Variants in KANSL2 observed in about 807,000 individuals in gnomAD.
The protein encoded by KANSL2 is NSL complex protein NSL2.
Under a neutral mutation model 55.6 loss-of-function variants are expected in KANSL2, and 34 were observed. That is an observed-to-expected ratio of 0.61 (90% CI 0.46 to 0.81). The LOEUF (loss-of-function observed/expected upper bound fraction) is 0.81, where lower values mean the gene tolerates loss of function less well. Ranked by LOEUF, KANSL2 falls within the 40% of genes least tolerant of loss-of-function variation. The pLI is 0.00. For synonymous variants in KANSL2, 209 were observed against 214.3 expected, an observed-to-expected ratio of 0.98 and a Z score of 0.22; for missense variants, 502 against 609.9, an observed-to-expected ratio of 0.82 and a Z score of 1.86.
chr12:48,675,475 T>A (rs1225386291), intron 4 of KANSL2, among the ~76,000 whole-genome samples: 3 of 152,300 alleles, frequency 2.0e-5, no homozygotes, highest in African/African-American at 4.8e-5. Flanking sequence ...ATGCCTACAT[T>A]AACCTGTCTG....
intron 7 of KANSL2, among the ~76,000 whole-genome samples, chr12:48,661,764 T>C (rs1939491628): frequency 6.6e-6 from 1 of 152,212 alleles, no homozygotes; most frequent in Non-Finnish European, 1.5e-5. Context: ...CTACCAACAC[T>C]GTAGGCCAGG....
Position 48,667,679 on chromosome 12 carries a change from G to A in KANSL2, c.973+14C>T, listed in dbSNP as rs750534290. On this transcript the variant is annotated intron_variant, in intron 7 of 9. Coordinates refer to ENST00000420613, the MANE Select transcript of KANSL2 (RefSeq NM_017822.4). ...TAGCAAACCACAGCCTTAACAGGCA[G>A]AGTAAAAAGATACGGGTAAGGCAGT... 3.8e-6 allele frequency: 6 copies of A among 1,580,412 alleles called. No homozygotes were observed. Among genetic ancestry groups the A allele is most frequent in the Non-Finnish European group, 5.2e-6 (6 of 1,149,464 alleles).
Position 48,672,393 on chromosome 12 carries a change from GTA to G in KANSL2, c.546-433_546-432del, listed in dbSNP as rs1187335703. 8.5e-3 allele frequency among the ~76,000 whole-genome samples: 1,036 copies of G among 121,298 alleles called. 23 individuals are homozygous for G. The highest frequency in any genetic ancestry group is 0.03 in the African/African-American group (917 of 31,012). The allele number at this position is 121,298 out of a possible 152,430, so 79.6% of individuals were successfully genotyped here. On this transcript the variant is annotated intron_variant, in intron 4 of 9. Coordinates refer to ENST00000420613, the MANE Select transcript of KANSL2 (RefSeq NM_017822.4). The stretch of plus-strand genomic sequence containing the variant: ...TATATATACGTATATATATATACAT[GTA>G]TATATATATATACGTATATATATAT...
At chr12:48,662,614 G>A in intron 7 of KANSL2, 1 of 1,288,002 alleles carries the variant, frequency 7.8e-7, no homozygotes, top group Non-Finnish European at 1.0e-6. Flanking sequence ...TTAGACCACA[G>A]TAAAGAGTTA....
intron 5 of KANSL2, among the ~76,000 whole-genome samples, chr12:48,669,950 CA>C (rs1939678651): frequency 6.6e-6 from 1 of 152,054 alleles, no homozygotes; most frequent in Admixed American, 6.5e-5. Flanking sequence ...CCTGTAATCC[CA>C]GCACTTTTTG....
intron 6 of KANSL2, among the ~76,000 whole-genome samples, chr12:48,668,893 G>A (rs1028445373): frequency 6.6e-5 from 10 of 151,922 alleles, no homozygotes; most frequent in African/African-American, 2.4e-4. Flanking sequence ...CATTAGCTGG[G>A]CGCATGGTGG....
chr12:48,664,636 C>T (rs1939557104), intron 7 of KANSL2, among the ~76,000 whole-genome samples: 1 of 132,134 alleles, frequency 7.6e-6, no homozygotes, highest in Non-Finnish European at 1.5e-5. Flanking sequence ...GGCTGGAGTG[C>T]AGTGGCGTGA....
At chr12:48,669,619 G>T (rs1049235152) in intron 5 of KANSL2, among the ~76,000 whole-genome samples, 1 of 151,486 alleles carries the variant, frequency 6.6e-6, no homozygotes, top group East Asian at 2.0e-4. Context: ...CCAGGTTCAC[G>T]CCATTCTCCT....
chr12:48,682,183 T>C lies in KANSL2; in HGVS notation c.-10+4A>G, dbSNP rs576690565. 8.7e-6 allele frequency: 6 copies of C among 691,968 alleles called. No homozygotes were observed. Among genetic ancestry groups the C allele is most frequent in the Admixed American group, 2.0e-5 (1 of 48,818 alleles). The allele number at this position is 691,968 out of a possible 1,614,324, so 42.9% of individuals were successfully genotyped here. A position where few individuals can be genotyped will look rare whatever the true frequency, so the allele number is the denominator to read the frequency against. On this transcript the variant is annotated splice_donor_region_variant and intron_variant, in intron 1 of 9. Transcript: ENST00000420613. ...GCTTAGAGGAAAGAGCACCGCCATC[T>C]TACCTCAGGAGCTGCGCTGCGCCGC...
At chr12:48,678,413 A>G (rs907786094) in intron 4 of KANSL2, among the ~76,000 whole-genome samples, 7 of 152,278 alleles carry the variant, frequency 4.6e-5, no homozygotes, top group South Asian at 2.1e-4. Flanking sequence ...TCTCTTTCTT[A>G]GGCATGAAAC....
chr12:48,665,770 G>A lies in KANSL2; in HGVS notation c.973+1923C>T, dbSNP rs116884389. On this transcript the variant is annotated intron_variant, in intron 7 of 9. Coordinates refer to ENST00000420613, the MANE Select transcript of KANSL2 (RefSeq NM_017822.4). ...CAATGCCAAATGTAGTCCTTTAACA[G>A]AATCAAGAGACATTATGATGGTTCA... Among the ~76,000 whole-genome samples the A allele has an allele frequency of 6.6e-3, 1,004 of 152,230 alleles. 3 individuals are homozygous for A. Among genetic ancestry groups the A allele is most frequent in the Non-Finnish European group, 0.01 (711 of 68,002 alleles).
intron 8 of KANSL2, among the ~76,000 whole-genome samples, chr12:48,655,970 T>C (rs547788733): frequency 6.6e-6 from 1 of 152,168 alleles, no homozygotes; most frequent in Non-Finnish European, 1.5e-5. Flanking sequence ...TTTACTACAA[T>C]TAAAAAAATA....
chr12:48,654,091 C>T lies in KANSL2; in HGVS notation c.1432G>A (p.Gly478Arg), dbSNP rs1183100897. 6.2e-7 allele frequency: 1 copy of T among 1,611,854 alleles called. No homozygotes were observed. The highest frequency in any genetic ancestry group is 2.2e-5 in the East Asian group (1 of 44,826). The change falls in exon 10 of 10, where the codon GGA becomes AGA. Residue 478 changes from glycine to arginine, a missense_variant. By Grantham distance (125) the Gly-to-Arg change is moderately radical. Coordinates refer to ENST00000420613, the MANE Select transcript of KANSL2 (RefSeq NM_017822.4). ...EKASAPLSQSGLATANGKPEP... is the reference protein window; with the variant it reads ...EKASAPLSQSRLATANGKPEP... Reference sequence around the variant, plus strand: ...GGCTTCCCATTTGCAGTAGCCAATCCACTCTGAGACAATGGTGCAGAGGCT... The same window carrying T: ...GGCTTCCCATTTGCAGTAGCCAATCTACTCTGAGACAATGGTGCAGAGGCT...
intron 8 of KANSL2, 103 bp from the exon 9 acceptor site, chr12:48,655,163 A>G: frequency 1.8e-6 from 2 of 1,117,962 alleles, no homozygotes; most frequent in East Asian, 5.2e-5. Context: ...GTCTCCCTCA[A>G]CCCTAGCCTA....
chr12:48,677,264 CT>C (rs1939839227), intron 4 of KANSL2, among the ~76,000 whole-genome samples: 1 of 152,116 alleles, frequency 6.6e-6, no homozygotes, highest in Non-Finnish European at 1.5e-5. Flanking sequence ...ATTTGTATTT[CT>C]CATAAAATGA....
chr12:48,664,222 C>T (rs1490879842), intron 7 of KANSL2, among the ~76,000 whole-genome samples: 2 of 150,860 alleles, frequency 1.3e-5, no homozygotes, highest in East Asian at 3.9e-4. Flanking sequence ...GCCCTATTAG[C>T]CTTTTCTATC....
intron 9 of KANSL2, chr12:48,654,436 A>C (rs1458111618): frequency 7.0e-6 from 5 of 713,782 alleles, no homozygotes. Context: ...AGAACAGCCA[A>C]CAGACCACAG....
intron 4 of KANSL2, among the ~76,000 whole-genome samples, chr12:48,673,567 GAA>G (rs111737433): frequency 2.3e-5 from 2 of 88,386 alleles, no homozygotes; most frequent in South Asian, 4.1e-4. Context: ...CTCAAAAAAA[GAA>G]AAAAAAAAAA....
chr12:48,655,325 T>C (rs561684401), intron 8 of KANSL2, among the ~76,000 whole-genome samples: 3 of 152,096 alleles, frequency 2.0e-5, no homozygotes, highest in African/African-American at 4.8e-5. Flanking sequence ...TCCCAGCACT[T>C]TGGGAGGCCA....
Sources: allele counts gnomAD v4.1 joint callset (sites outside exome capture counted in the v4.1 genomes callset), GRCh38; gene constraint gnomAD v4.1.1; transcripts MANE v1.5; gene names NCBI Gene and HGNC (gene_info 2026-07-23, HGNC 2026-07-21).